The following RBFOX1 variants were observed in gnomAD, a reference collection of about 807,000 sequenced individuals.
RBFOX1 encodes RNA binding fox-1 homolog 1, also known as RNA binding protein fox-1 homolog 1.
A neutral mutation model predicts 57.7 loss-of-function variants in RBFOX1; 8 were observed. That is an observed-to-expected ratio of 0.14 (90% CI 0.08 to 0.25). The LOEUF is 0.25. RBFOX1 is among the 10% of genes least tolerant of loss of function. The probability of loss-of-function intolerance (pLI) is 1.00; values close to 1 mark genes in which losing one functional copy is unlikely to be tolerated. For missense variants in RBFOX1, 611 were observed against 548.5 expected (o/e 1.11, Z -1.14); for synonymous variants, 326 against 222.4 (o/e 1.47, Z -4.15).
At chr16:6,431,901 CT>C (rs1266065848) in intron 2 of RBFOX1, among the ~76,000 whole-genome samples, 1 of 59,022 alleles carries the variant, frequency 1.7e-5, no homozygotes. Flanking sequence ...TGCTTGCTTT[CT>C]TTCTTTCTTT....
intron 3 of RBFOX1, among the ~76,000 whole-genome samples, chr16:5,819,535 T>C (rs923768584): frequency 3.9e-5 from 6 of 152,200 alleles, no homozygotes; most frequent in African/African-American, 1.4e-4. Context: ...CAGGAAGCAG[T>C]GCAAACTGTA....
intron 8 of RBFOX1, among the ~76,000 whole-genome samples, chr16:7,595,937 G>C (rs1012651685): frequency 1.5e-4 from 23 of 151,222 alleles, no homozygotes; most frequent in Non-Finnish European, 2.5e-4. Flanking sequence ...TAATCAATGG[G>C]TGCAGTAGGT....
intron 3 of RBFOX1, among the ~76,000 whole-genome samples, chr16:5,660,646 A>G (rs899313383): frequency 3.3e-5 from 5 of 152,084 alleles, no homozygotes; most frequent in African/African-American, 9.7e-5. Context: ...TGCACAGTTC[A>G]TTATTTTTTT....
chr16:5,745,656 C>G (rs1323477091), intron 3 of RBFOX1, among the ~76,000 whole-genome samples: 1 of 152,182 alleles, frequency 6.6e-6, no homozygotes, highest in South Asian at 2.1e-4. Context: ...GAGATGGTAT[C>G]TCATTGTGGT....
chr16:6,890,517 T>A (rs1430507848), intron 3 of RBFOX1, among the ~76,000 whole-genome samples: 5 of 120,048 alleles, frequency 4.2e-5, no homozygotes, highest in Non-Finnish European at 9.1e-5. Context: ...AGACTCCATC[T>A]CAAAACAAAC....
intron 1 of RBFOX1, chr16:5,261,157 C>G (rs567826732): frequency 6.6e-6 from 1 of 152,184 alleles, no homozygotes; most frequent in Non-Finnish European, 1.5e-5. Context: ...GGCATTAGCA[C>G]GTCTACTTCC....
At chr16:7,534,086 CTTTT>C (rs529708813) in intron 5 of RBFOX1, among the ~76,000 whole-genome samples, 1 of 129,918 alleles carries the variant, frequency 7.7e-6, no homozygotes, top group Non-Finnish European at 1.6e-5. Flanking sequence ...CGTTTTTTTT[CTTTT>C]TTTTTTTTTT....
rs75455239 is a variant in RBFOX1, at chr16:5,562,262, T to C, written c.259-36640T>C. Among the ~76,000 whole-genome samples, 156 of 152,250 alleles carry C rather than the reference T, an allele frequency of 1.0e-3. 1 individual carries two copies. The East Asian group carries it at 0.019, about 18-fold the overall frequency. On this transcript the variant is annotated intron_variant, in intron 2 of 2. Transcript: ENST00000585867. ...TGTGGAAATTGGAGGTCTGCAGTTA[T>C]ATGTCAAGTAGGACCCAGAGCCTCC...
chr16:7,276,002 C>T (rs1247347216), intron 4 of RBFOX1, among the ~76,000 whole-genome samples: 1 of 152,212 alleles, frequency 6.6e-6, no homozygotes, highest in Admixed American at 6.5e-5. Context: ...AGATTACACA[C>T]TGCCTAAATT....
rs532386552 is a variant in RBFOX1 at position 6,723,717 on chromosome 16, A to G, written c.-16+69067A>G. 7 of 151,652 alleles carry G rather than the reference A, an allele frequency of 4.6e-5. No individual in the cohort carries two copies. The East Asian group carries it at 1.4e-3, about 30-fold the overall frequency. 9.4% of individuals were successfully genotyped at this position (151,652 alleles called of 1,614,324 possible). On this transcript the variant is annotated intron_variant, in intron 3 of 15. Transcript: ENST00000550418. ...CAAGGAATGAGTTACAGAAAGCTGC[A>G]TCTGTCTCGTGAAGATTTTTTTTTT...
chr16:6,723,702 G>A (rs770744676), intron 3 of RBFOX1: 3 of 152,034 alleles, frequency 2.0e-5, no homozygotes, highest in African/African-American at 4.8e-5. Flanking sequence ...CAAGGAATGA[G>A]TTACAGAAAG....
At chr16:5,976,588 G>A (rs1461215043) in intron 4 of RBFOX1, among the ~76,000 whole-genome samples, 1 of 152,118 alleles carries the variant, frequency 6.6e-6, no homozygotes, top group Admixed American at 6.6e-5. Flanking sequence ...AGTATTTGAG[G>A]CCAGGCACAG....
intron 2 of RBFOX1, among the ~76,000 whole-genome samples, chr16:6,430,200 G>A (rs1046127068): frequency 3.3e-5 from 5 of 152,056 alleles, no homozygotes; most frequent in Non-Finnish European, 5.9e-5. Context: ...TTAGCGGCAT[G>A]AGAACAGACT....
intron 3 of RBFOX1, among the ~76,000 whole-genome samples, chr16:6,850,831 T>C (rs1252834295): frequency 6.6e-6 from 1 of 152,210 alleles, no homozygotes; most frequent in Non-Finnish European, 1.5e-5. Flanking sequence ...CTTGTAGAAC[T>C]AAGCATGCAC....
intron 1 of RBFOX1, among the ~76,000 whole-genome samples, chr16:6,260,048 C>T (rs530942436): frequency 1.9e-4 from 29 of 151,862 alleles, no homozygotes; most frequent in Admixed American, 1.3e-4. Flanking sequence ...CCTTTATCTT[C>T]GTGAGAAATG....
intron 11 of RBFOX1, 84 bp downstream of exon 11, chr16:7,630,767 C>T: frequency 5.7e-6 from 9 of 1,566,668 alleles, no homozygotes; most frequent in African/African-American, 4.1e-5. Context: ...TTCTCTCCCC[C>T]TCCCTCTGCC....
At chr16:6,718,604 C>A (rs945914539) in intron 3 of RBFOX1, among the ~76,000 whole-genome samples, 18 of 152,182 alleles carry the variant, frequency 1.2e-4, no homozygotes, top group African/African-American at 4.3e-4. Flanking sequence ...GTTGTAATCC[C>A]CAATATTGGA....
chr16:6,921,193 T>G (rs2074371343), intron 3 of RBFOX1, among the ~76,000 whole-genome samples: 1 of 152,210 alleles, frequency 6.6e-6, no homozygotes, highest in African/African-American at 2.4e-5. Context: ...ATGAGTTTTC[T>G]ATTCTGTGTT....
intron 2 of RBFOX1, among the ~76,000 whole-genome samples, chr16:6,535,617 C>G (rs532271003): frequency 1.3e-5 from 2 of 152,254 alleles, no homozygotes; most frequent in Admixed American, 6.5e-5. Context: ...TTGAATGATT[C>G]AATGAATGAT....
Sources: gnomAD v4.1 joint callset for allele counts (sites outside exome capture counted in the v4.1 genomes callset) on GRCh38, gnomAD v4.1.1 for gene constraint, MANE v1.5 for transcripts, NCBI Gene and HGNC (gene_info 2026-07-23, HGNC 2026-07-21) for gene names.